Variants in TRAPPC6A observed in about 807,000 individuals in gnomAD.
TRAPPC6A encodes the protein TRAPP complex subunit 6A.
TRAPPC6A carries 25 observed loss-of-function variants against 20.8 expected under a neutral mutation model. That is an observed-to-expected ratio of 1.20 (90% CI 0.88 to 1.68). The LOEUF (loss-of-function observed/expected upper bound fraction) is 1.68. TRAPPC6A is among the 40% of genes most tolerant of loss of function. The pLI, the probability that TRAPPC6A is intolerant of heterozygous loss-of-function variation, is 0.00. For missense variants in TRAPPC6A, 215 were observed against 211.6 expected (o/e 1.02, Z -0.10); for synonymous variants, 96 against 93.3 (o/e 1.03, Z -0.16).
In TRAPPC6A at chr19:45,173,193, A is replaced by G. The variant is rs968709453; in HGVS notation, c.84+4942T>C. ...GCTTCCCTTGTCTTCAAAGCCTCTG[A>G]GGTAGAAAAGCCACGGCTGCTTCCT... is the stretch of plus-strand genomic sequence containing the variant. On this transcript the variant is annotated intron_variant, in intron 1 of 5. Coordinates refer to ENST00000585934, the MANE Select transcript of TRAPPC6A (RefSeq NM_001270891.2). This position sits in a 1 kb window ranked among gnomAD's most constrained non-coding sequence, Gnocchi z 4.8. Among the ~76,000 whole-genome samples the G allele has an allele frequency of 2.0e-5, 3 of 151,502 alleles. No homozygotes were observed. The highest frequency in any genetic ancestry group is 2.9e-5 in the Non-Finnish European group (2 of 67,906).
rs1033967953 is a variant in TRAPPC6A at position 45,177,090 on chromosome 19, T to C, written c.84+1045A>G. On this transcript the variant is annotated intron_variant, in intron 1 of 5. Transcript: ENST00000585934. The stretch of plus-strand genomic sequence containing the variant: ...CCCAGCTACTTGGGAGGCTGAGAAG[T>C]GGGATGATCGCTTGAGCCCAGGAGG... Among the ~76,000 whole-genome samples, 10 of 152,098 alleles carry C rather than the reference T, an allele frequency of 6.6e-5. 1 individual carries two copies. The highest frequency in any genetic ancestry group is 6.8e-3 in the Middle Eastern group (2 of 294).
intron 3 of TRAPPC6A, among the ~76,000 whole-genome samples, chr19:45,164,497 G>C (rs1969099424): frequency 1.3e-5 from 2 of 152,108 alleles, no homozygotes; most frequent in Admixed American, 1.3e-4. Context: ...GAAAAGCTGG[G>C]GACCCGGCCC....
At chr19:45,165,261 G>A in intron 1 of TRAPPC6A, 67 bp from the exon 2 acceptor site, 1 of 1,478,338 alleles carries the variant, frequency 6.8e-7, no homozygotes, top group South Asian at 1.2e-5. Flanking sequence ...ACCCAGGGGG[G>A]GACCTGCCAG....
intron 1 of TRAPPC6A, among the ~76,000 whole-genome samples, chr19:45,167,644 G>A (rs1008803237): frequency 2.6e-5 from 4 of 151,988 alleles, no homozygotes; most frequent in Admixed American, 6.5e-5. Context: ...CACCACGCCC[G>A]GTTAATTTTG....
chr19:45,164,000 A>G lies in TRAPPC6A; in HGVS notation c.364T>C (p.Phe122Leu), dbSNP rs780452635. ...GCGCCGCGCAGGAGGCCGCAGGTGA[A>G]GGCCAGGAACTGAGGAGGGAACACA... Reference protein sequence around the residue: ...YLEEAPKFLAFTCGLLRGALY... With the variant: ...YLEEAPKFLALTCGLLRGALY... The change falls in exon 5 of 6, where the codon TTC becomes CTC. Residue 122 changes from phenylalanine (F) to leucine (L), a missense_variant. By Grantham distance (22) the Phe-to-Leu change is conservative. Coordinates refer to ENST00000585934, the MANE Select transcript of TRAPPC6A (RefSeq NM_001270891.2). This position sits in a 1 kb window ranked among gnomAD's most constrained non-coding sequence, Gnocchi z 5.3. The G allele has an allele frequency of 5.1e-6, 8 of 1,573,406 alleles. No individual in the cohort carries two copies.
intron 4 of TRAPPC6A, 73 bp downstream of exon 4, chr19:45,164,091 A>G: frequency 6.4e-7 from 1 of 1,552,474 alleles, no homozygotes; most frequent in Admixed American, 1.9e-5. Flanking sequence ...GCCTGGGGAA[A>G]GGCCTGATGT....
At chr19:45,168,727 G>A (rs1599735027) in intron 1 of TRAPPC6A, among the ~76,000 whole-genome samples, 3 of 152,236 alleles carry the variant, frequency 2.0e-5, no homozygotes. Context: ...ACAGAAGGCT[G>A]TAATTCCAGG....
At position 45,163,929 on chromosome 19, in the gene TRAPPC6A, T is replaced by C; in HGVS notation, c.435A>G (p.Ala145=). The C allele has an allele frequency of 6.3e-7, 1 of 1,578,862 alleles. No homozygotes were observed. Among genetic ancestry groups the C allele is most frequent in the African/African-American group, 1.3e-5 (1 of 74,640 alleles). The part of the protein sequence containing the change: ...GIESVVTASV[A]ALPVCKFQVV... ...CCCATGACTCACAGACGGGCAGGGC[T>C]GCCACGGAGGCGGTGACCACGCTCT... Residue 145 remains alanine, a synonymous_variant, in exon 5 of 6, where the codon GCA becomes GCG. Coordinates refer to ENST00000585934, the MANE Select transcript of TRAPPC6A (RefSeq NM_001270891.2). This position sits in a 1 kb window ranked among gnomAD's most constrained non-coding sequence, Gnocchi z 5.3.
intron 1 of TRAPPC6A, among the ~76,000 whole-genome samples, chr19:45,170,339 G>C (rs1230029682): frequency 6.6e-6 from 1 of 152,210 alleles, no homozygotes; most frequent in Non-Finnish European, 1.5e-5. Context: ...CACAGCGACT[G>C]CCAAGAGGGA....
At chr19:45,170,203 G>C (rs928044290) in intron 1 of TRAPPC6A, among the ~76,000 whole-genome samples, 1 of 152,228 alleles carries the variant, frequency 6.6e-6, no homozygotes, top group African/African-American at 2.4e-5. Flanking sequence ...GCCAACCTGA[G>C]GGTCAACGCA....
intron 1 of TRAPPC6A, among the ~76,000 whole-genome samples, chr19:45,176,246 G>A (rs1969370875): frequency 6.6e-6 from 1 of 151,304 alleles, no homozygotes; most frequent in South Asian, 2.1e-4. Flanking sequence ...CACGAGGTCA[G>A]ATCAAAACCA....
intron 1 of TRAPPC6A, among the ~76,000 whole-genome samples, chr19:45,177,823 G>A (rs1969424045): frequency 6.6e-6 from 1 of 152,302 alleles, no homozygotes; most frequent in Non-Finnish European, 1.5e-5. Context: ...AAGTCATTGG[G>A]TCGCACACCT....
intron 1 of TRAPPC6A, among the ~76,000 whole-genome samples, chr19:45,176,605 G>A (rs926793076): frequency 7.9e-5 from 12 of 152,152 alleles, no homozygotes; most frequent in Non-Finnish European, 1.5e-4. Context: ...GGTGCAAGTC[G>A]CCACATCTGG....
chr19:45,168,447 C>G (rs1024653495), intron 1 of TRAPPC6A, among the ~76,000 whole-genome samples: 6 of 152,204 alleles, frequency 3.9e-5, no homozygotes, highest in African/African-American at 1.4e-4. Context: ...GCCATCCCAT[C>G]ACAGGGCGCA....
chr19:45,164,713 A>G, intron 3 of TRAPPC6A, 140 bp downstream of exon 3: 1 of 776,012 alleles, frequency 1.3e-6, no homozygotes, highest in East Asian at 2.5e-5. Context: ...AGGATCAGAC[A>G]GAGCAAGAGC....
intron 1 of TRAPPC6A, among the ~76,000 whole-genome samples, chr19:45,174,886 C>T (rs1038396229): frequency 6.7e-5 from 10 of 148,452 alleles, no homozygotes; most frequent in African/African-American, 1.5e-4. Flanking sequence ...TTTGGGAGGC[C>T]GAGGTGGGCA....
intron 1 of TRAPPC6A, 87 bp downstream of exon 1, chr19:45,178,048 G>A: frequency 6.3e-7 from 1 of 1,594,848 alleles, no homozygotes; most frequent in Non-Finnish European, 8.5e-7. Context: ...GGCCGGGTTC[G>A]AACCCGGACG....
At chr19:45,164,794 C>A (rs565889396) in intron 3 of TRAPPC6A, 59 bp downstream of exon 3, 2 of 1,506,650 alleles carry the variant, frequency 1.3e-6, no homozygotes, top group South Asian at 2.2e-5. Context: ...GATTCCCCTC[C>A]CACTCTCTTG....
intron 1 of TRAPPC6A, among the ~76,000 whole-genome samples, chr19:45,170,289 G>A (rs191239617): frequency 3.1e-4 from 47 of 152,350 alleles, no homozygotes; most frequent in Admixed American, 2.5e-3. Flanking sequence ...CGTTTCACCC[G>A]GGGAATGGGC....
Sources: gnomAD v4.1 joint callset for allele counts (sites outside exome capture counted in the v4.1 genomes callset) on GRCh38, gnomAD v4.1.1 for gene constraint, Gnocchi (gnomAD v3.1) non-coding constraint, MANE v1.5 for transcripts, NCBI Gene and HGNC (gene_info 2026-07-23, HGNC 2026-07-21) for gene names.